The following SCN7A variants were observed in gnomAD, a reference collection of about 807,000 sequenced individuals.
SCN7A encodes sodium voltage-gated channel alpha subunit 7, also known as sodium channel protein type 7 subunit alpha.
SCN7A carries 138 observed loss-of-function variants against 155.2 expected under a neutral mutation model. The ratio of observed to expected loss-of-function variants is 0.89; its 90% confidence interval spans 0.77 to 1.02. SCN7A has a LOEUF of 1.02. Ranked by LOEUF, SCN7A falls within the 50% of genes least tolerant of loss-of-function variation. The probability of loss-of-function intolerance (pLI) is 0.00; values close to 1 mark genes in which losing one functional copy is unlikely to be tolerated. For missense variants in SCN7A, 2,058 were observed against 1,986.6 expected (o/e 1.04, Z -0.68); for synonymous variants, 693 against 649.0 (o/e 1.07, Z -1.03).
chr2:166,441,769 A>T lies in SCN7A; in HGVS notation c.1801-17T>A. The T allele has an allele frequency of 6.4e-7, 1 of 1,563,864 alleles. No individual in the cohort carries two copies. Among genetic ancestry groups the T allele is most frequent in the South Asian group, 1.2e-5 (1 of 82,444 alleles). ...AATTCTTAACTAATAGAGCAATGTA[A>T]AATCAAGAACAAGAAACAAATGACA... On this transcript the variant is annotated splice_polypyrimidine_tract_variant and intron_variant, in intron 14 of 25. Coordinates refer to ENST00000643258, the MANE Select transcript of SCN7A (RefSeq NM_002976.4).
At position 166,416,772 on chromosome 2, in the gene SCN7A, G is replaced by A; in HGVS notation, c.3349C>T (p.Leu1117=). The A allele has an allele frequency of 6.2e-7, 1 of 1,612,914 alleles. No homozygotes were observed. Among genetic ancestry groups the A allele is most frequent in the Admixed American group, 1.7e-5 (1 of 59,926 alleles). Residue 1117 remains leucine, a synonymous_variant, in exon 21 of 26, where the codon CTA becomes TTA. Coordinates refer to ENST00000643258, the MANE Select transcript of SCN7A (RefSeq NM_002976.4). ...AAGTTCATTTTTGCATTTTCCCATAGCATGGATTCGTTAAACAGAAGGCTT... is the reference window on the plus strand; with the variant it reads ...AAGTTCATTTTTGCATTTTCCCATAACATGGATTCGTTAAACAGAAGGCTT... The part of the protein sequence containing the change: ...CESLLFNESM[L]WENAKMNFDN...
intron 11 of SCN7A, among the ~76,000 whole-genome samples, chr2:166,452,814 G>T (rs984737444): frequency 2.6e-5 from 4 of 152,110 alleles, no homozygotes; most frequent in Admixed American, 6.6e-5. Flanking sequence ...AATCTCTGCA[G>T]CTGGAACTCC....
At chr2:166,478,206 G>C (rs928009781) in intron 2 of SCN7A, among the ~76,000 whole-genome samples, 4 of 150,746 alleles carry the variant, frequency 2.7e-5, no homozygotes, top group Non-Finnish European at 4.4e-5. Context: ...TTTACATCAG[G>C]TATATCTCAC....
chr2:166,448,156 C>G (rs923722943), intron 11 of SCN7A, among the ~76,000 whole-genome samples: 1 of 152,104 alleles, frequency 6.6e-6, no homozygotes, highest in African/African-American at 2.4e-5. Context: ...AATAAACTAT[C>G]TACTTTTATG....
intron 15 of SCN7A, among the ~76,000 whole-genome samples, chr2:166,439,053 G>GTATATATATATATATATATATATATA (rs1283353813): frequency 1.2e-5 from 1 of 86,110 alleles, no homozygotes; most frequent in South Asian, 3.5e-4. Context: ...GTGTGTGTGT[G>GTATATATATATATATATATATATATA]TGTATATATA....
chr2:166,412,952 T>C (rs1701233093), intron 22 of SCN7A, 116 bp downstream of exon 22: 6 of 880,980 alleles, frequency 6.8e-6, no homozygotes, highest in Non-Finnish European at 8.7e-6. Context: ...GCCAATGAAA[T>C]ATCCAATCTG....
intron 21 of SCN7A, among the ~76,000 whole-genome samples, chr2:166,414,253 T>C (rs540976114): frequency 0.033 from 2,750 of 84,594 alleles, 97 homozygotes; most frequent in African/African-American, 0.04. Context: ...TAAATATATA[T>C]AGATATATAT....
At chr2:166,454,436 A>G (rs1282258559) in intron 11 of SCN7A, among the ~76,000 whole-genome samples, 1 of 152,206 alleles carries the variant, frequency 6.6e-6, no homozygotes, top group Non-Finnish European at 1.5e-5. Context: ...ATGATCTTAC[A>G]TCATGTCGTT....
intron 11 of SCN7A, among the ~76,000 whole-genome samples, chr2:166,451,996 C>T (rs1257628476): frequency 6.6e-6 from 1 of 151,920 alleles, no homozygotes; most frequent in African/African-American, 2.4e-5. Flanking sequence ...AATCACAACA[C>T]CATTATCACA....
intron 21 of SCN7A, among the ~76,000 whole-genome samples, chr2:166,414,140 A>ATATATT (rs1559088261): frequency 4.6e-5 from 3 of 64,824 alleles, no homozygotes; most frequent in African/African-American, 2.1e-4. Flanking sequence ...TATATATGTA[A>ATATATT]ATATATATAA....
chr2:166,414,279 T>TGTAA, intron 21 of SCN7A, among the ~76,000 whole-genome samples: 1 of 31,460 alleles, frequency 3.2e-5, no homozygotes, highest in Non-Finnish European at 5.7e-5. Flanking sequence ...CACATATATA[T>TGTAA]ATATATACAC....
At chr2:166,434,431 T>A (rs1701797042) in intron 15 of SCN7A, among the ~76,000 whole-genome samples, 1 of 152,094 alleles carries the variant, frequency 6.6e-6, no homozygotes, top group Non-Finnish European at 1.5e-5. Context: ...CAAATATCTT[T>A]TATAATCCAC....
At chr2:166,447,551 T>A (rs1313473302) in intron 12 of SCN7A, 61 bp downstream of exon 12, 1 of 1,130,496 alleles carries the variant, frequency 8.8e-7, no homozygotes, top group Non-Finnish European at 1.3e-6. Flanking sequence ...TGAATTTCTT[T>A]AAAAGTGAAT....
At chr2:166,416,634 T>C in intron 21 of SCN7A, 73 bp downstream of exon 21, 1 of 1,300,318 alleles carries the variant, frequency 7.7e-7, no homozygotes, top group South Asian at 1.5e-5. Flanking sequence ...ATCGCCCACA[T>C]TTTGTCCTTT....
chr2:166,412,519 T>C lies in SCN7A; in HGVS notation c.3606+11A>G. On this transcript the variant is annotated intron_variant, in intron 23 of 25. Transcript: ENST00000643258. Reference sequence around the variant, plus strand: ...TCAGACATTGGATAAACAAATAATATTTATACTTATCTTTATTTTATGCTT... The same window carrying C: ...TCAGACATTGGATAAACAAATAATACTTATACTTATCTTTATTTTATGCTT... The C allele has an allele frequency of 6.9e-7, 1 of 1,450,196 alleles. No individual in the cohort carries two copies. Among genetic ancestry groups the C allele is most frequent in the Non-Finnish European group, 9.1e-7 (1 of 1,104,390 alleles). The allele number at this position is 1,450,196 out of a possible 1,614,324, so 89.8% of individuals were successfully genotyped here. A position where few individuals can be genotyped will look rare whatever the true frequency, so the allele number is the denominator to read the frequency against.
At chr2:166,488,703 C>T (rs1162096377) in intron 1 of SCN7A, among the ~76,000 whole-genome samples, 1 of 150,928 alleles carries the variant, frequency 6.6e-6, no homozygotes, top group Admixed American at 6.6e-5. Context: ...AGCGGTGTAA[C>T]CTTGGCTCAC....
intron 15 of SCN7A, among the ~76,000 whole-genome samples, chr2:166,439,053 G>GTATATA (rs1283353813): frequency 0.028 from 2,442 of 85,854 alleles, 26 homozygotes; most frequent in Middle Eastern, 0.085. Context: ...GTGTGTGTGT[G>GTATATA]TGTATATATA....
chr2:166,474,263 A>C lies in SCN7A; in HGVS notation c.316T>G (p.Cys106Gly). The C allele has an allele frequency of 6.6e-7, 1 of 1,521,612 alleles. No individual in the cohort carries two copies. Among genetic ancestry groups the C allele is most frequent in the Non-Finnish European group, 8.9e-7 (1 of 1,129,204 alleles). The allele number at this position is 1,521,612 out of a possible 1,614,324, so 94.3% of individuals were successfully genotyped here. A position where few individuals can be genotyped will look rare whatever the true frequency, so the allele number is the denominator to read the frequency against. Reference sequence around the variant, plus strand: ...ACCTTGATAGTTGTTCTTCTAATACAATTGAAAGGAGACAATGTACACAAG... The same window carrying C: ...ACCTTGATAGTTGTTCTTCTAATACCATTGAAAGGAGACAATGTACACAAG... ...SILCTLSPFNCIRRTTIKVLV... is the reference protein window; with the variant it reads ...SILCTLSPFNGIRRTTIKVLV... The change falls in exon 4 of 26, where the codon TGT becomes GGT. Residue 106 changes from cysteine (C) to glycine (G), a missense_variant. Coordinates refer to ENST00000643258, the MANE Select transcript of SCN7A (RefSeq NM_002976.4).
At chr2:166,470,536 C>A in intron 7 of SCN7A, 79 bp downstream of exon 7, 1 of 1,207,628 alleles carries the variant, frequency 8.3e-7, no homozygotes, top group Non-Finnish European at 1.1e-6. Context: ...TTCCTCTGAA[C>A]AACAACAGGG....
Sources: allele counts gnomAD v4.1 joint callset (sites outside exome capture counted in the v4.1 genomes callset), GRCh38; gene constraint gnomAD v4.1.1; transcripts MANE v1.5; gene names NCBI Gene and HGNC (gene_info 2026-07-23, HGNC 2026-07-21).